The following ROBO1 variants were observed in gnomAD, a reference collection of about 807,000 sequenced individuals.
ROBO1 encodes roundabout guidance receptor 1.
In ROBO1, 149 loss-of-function variants were observed where a neutral mutation model predicts 195.9. The observed-to-expected ratio is 0.76, with a 90% CI of 0.67 to 0.87. The LOEUF (loss-of-function observed/expected upper bound fraction) is 0.87. ROBO1 is among the 40% of genes least tolerant of loss of function. The pLI is 0.00. For missense variants in ROBO1, 1,933 were observed against 2,068.3 expected, an observed-to-expected ratio of 0.93 and a Z score of 1.27; for synonymous variants, 816 against 733.2, an observed-to-expected ratio of 1.11 and a Z score of -1.82.
intron 2 of ROBO1, among the ~76,000 whole-genome samples, chr3:79,359,683 A>G (rs2035689218): frequency 6.6e-6 from 1 of 152,062 alleles, no homozygotes; most frequent in Non-Finnish European, 1.5e-5. Context: ...CATTCAGCAT[A>G]TAATCTAGAA....
intron 3 of ROBO1, among the ~76,000 whole-genome samples, chr3:79,105,424 T>TA (rs1559662481): frequency 6.6e-6 from 1 of 151,734 alleles, no homozygotes; most frequent in East Asian, 1.9e-4. Context: ...GTACACCTGT[T>TA]AGTCTGACAG....
chr3:79,388,619 A>G (rs1344998731), intron 2 of ROBO1, among the ~76,000 whole-genome samples: 2 of 152,192 alleles, frequency 1.3e-5, no homozygotes, highest in Non-Finnish European at 2.9e-5. Context: ...TGAGGCAGGC[A>G]CATGGAAGCC....
intron 2 of ROBO1, among the ~76,000 whole-genome samples, chr3:79,424,802 G>T (rs1172982602): frequency 2.6e-5 from 4 of 152,084 alleles, no homozygotes; most frequent in African/African-American, 9.7e-5. Context: ...GTTTTGTGAA[G>T]ATACGTTGGG....
chr3:79,417,399 C>T (rs2038049820), intron 2 of ROBO1, among the ~76,000 whole-genome samples: 2 of 152,090 alleles, frequency 1.3e-5, no homozygotes, highest in Non-Finnish European at 2.9e-5. Context: ...AAAATGACTA[C>T]AGACCTGGCT....
intron 2 of ROBO1, among the ~76,000 whole-genome samples, chr3:79,403,340 C>T (rs964560902): frequency 6.6e-6 from 1 of 151,874 alleles, no homozygotes; most frequent in Non-Finnish European, 1.5e-5. Flanking sequence ...AAGTGTTAAA[C>T]AAATTCAAAG....
At chr3:78,599,461 T>C (rs747413446) in intron 30 of ROBO1, among the ~76,000 whole-genome samples, 4 of 152,212 alleles carry the variant, frequency 2.6e-5, no homozygotes, top group Non-Finnish European at 5.9e-5. Flanking sequence ...CTATAAAAAG[T>C]TGTCATTTGA....
intron 2 of ROBO1, among the ~76,000 whole-genome samples, chr3:79,470,471 A>T (rs927403329): frequency 1.3e-5 from 2 of 152,154 alleles, no homozygotes; most frequent in African/African-American, 4.8e-5. Flanking sequence ...ATGACGAGTT[A>T]ATGGGTGCAG....
chr3:79,706,860 C>A (rs1282453766), intron 1 of ROBO1, among the ~76,000 whole-genome samples: 1 of 152,102 alleles, frequency 6.6e-6, no homozygotes, highest in African/African-American at 2.4e-5. Flanking sequence ...TGTAGTCACA[C>A]AGTCATGTTG....
intron 3 of ROBO1, among the ~76,000 whole-genome samples, chr3:78,955,337 A>AT (rs1474655536): frequency 2.0e-5 from 3 of 151,958 alleles, no homozygotes; most frequent in Non-Finnish European, 4.4e-5. Flanking sequence ...CCTGACATGT[A>AT]TTTTTTCTGA....
intron 2 of ROBO1, among the ~76,000 whole-genome samples, chr3:79,341,471 T>C (rs2034902194): frequency 6.6e-6 from 1 of 152,098 alleles, no homozygotes; most frequent in Non-Finnish European, 1.5e-5. Flanking sequence ...ATCTTTTTTC[T>C]ATTCACTAAT....
At chr3:79,095,976 G>C (rs535047564) in intron 3 of ROBO1, among the ~76,000 whole-genome samples, 1 of 151,838 alleles carries the variant, frequency 6.6e-6, no homozygotes, top group South Asian at 2.1e-4. Context: ...ATTTATCTTA[G>C]GCATACTTTC....
chr3:79,118,173 G>A (rs748672174), intron 3 of ROBO1, among the ~76,000 whole-genome samples: 23 of 151,818 alleles, frequency 1.5e-4, no homozygotes, highest in South Asian at 8.4e-4. Context: ...CCAGTCGTCC[G>A]CAGTCAACCT....
At chr3:79,446,539 T>A (rs2039262595) in intron 2 of ROBO1, among the ~76,000 whole-genome samples, 1 of 152,210 alleles carries the variant, frequency 6.6e-6, no homozygotes, top group African/African-American at 2.4e-5. Context: ...TAAAATATGA[T>A]AAATGGAGGA....
intron 4 of ROBO1, among the ~76,000 whole-genome samples, chr3:78,864,058 C>T (rs902061439): frequency 2.0e-5 from 3 of 152,174 alleles, no homozygotes; most frequent in African/African-American, 4.8e-5. Flanking sequence ...ATGCTATTTA[C>T]GTAGTTCACA....
intron 1 of ROBO1, among the ~76,000 whole-genome samples, chr3:79,741,798 T>TA (rs1298217581): frequency 6.6e-6 from 1 of 152,156 alleles, no homozygotes; most frequent in Non-Finnish European, 1.5e-5. Flanking sequence ...ATGTGGACAA[T>TA]AAAGTCCAGG....
intron 3 of ROBO1, among the ~76,000 whole-genome samples, chr3:79,028,428 A>T (rs559905881): frequency 1.4e-4 from 22 of 152,012 alleles, no homozygotes; most frequent in African/African-American, 3.6e-4. Flanking sequence ...AAAAGAGCAA[A>T]ATAGAATCCC....
At chr3:78,626,734 TAAGCACACAC>T (rs1704807912) in intron 26 of ROBO1, among the ~76,000 whole-genome samples, 1 of 144,890 alleles carries the variant, frequency 6.9e-6, no homozygotes, top group African/African-American at 2.7e-5. Context: ...TAAAAAAGTC[TAAGCACACAC>T]AAGCACACAC....
intron 3 of ROBO1, among the ~76,000 whole-genome samples, chr3:79,043,786 G>A (rs556380055): frequency 6.6e-6 from 1 of 152,160 alleles, no homozygotes; most frequent in East Asian, 1.9e-4. Context: ...TCTTGTCAGA[G>A]GGTTACAAAT....
At chr3:79,121,551 T>G (rs17016756) in intron 3 of ROBO1, among the ~76,000 whole-genome samples, 3,324 of 152,072 alleles carry the variant, frequency 0.022, 135 homozygotes, top group African/African-American at 0.076. Context: ...TATTTGAAAT[T>G]ACTATGAAAC....
Sources: allele counts gnomAD v4.1 joint callset (sites outside exome capture counted in the v4.1 genomes callset), GRCh38; gene constraint gnomAD v4.1.1; transcripts MANE v1.5; gene names NCBI Gene and HGNC (gene_info 2026-07-23, HGNC 2026-07-21).